LMX1A: variants seen among roughly 807,000 people sequenced by gnomAD.
The protein encoded by LMX1A is LIM homeobox transcription factor 1 alpha, also known as LIM homeobox transcription factor 1-alpha.
A neutral mutation model predicts 49.1 loss-of-function variants in LMX1A; 15 were observed. The observed-to-expected ratio is 0.31, with a 90% CI of 0.20 to 0.47. The LOEUF (loss-of-function observed/expected upper bound fraction) is 0.47. Among genes scored for constraint, LMX1A ranks in the 20% least tolerant of loss-of-function variants. The pLI is 1.00. For missense variants in LMX1A, 372 were observed against 475.8 expected (o/e 0.78, Z 2.03); for synonymous variants, 167 against 185.7 (o/e 0.90, Z 0.82).
chr1:165,277,008 T>C (rs1653990110), intron 3 of LMX1A, among the ~76,000 whole-genome samples: 1 of 152,192 alleles, frequency 6.6e-6, no homozygotes, highest in Non-Finnish European at 1.5e-5. Context: ...CACAATTGTG[T>C]CAATAATTAT....
In LMX1A at chr1:165,206,022, C is replaced by T. The variant is rs1571143209; in HGVS notation, c.830G>A (p.Gly277Asp). The T allele has an allele frequency of 2.6e-6, 4 of 1,564,772 alleles. No homozygotes were observed. The highest frequency in any genetic ancestry group is 3.5e-6 in the Non-Finnish European group (4 of 1,156,476). ...TCCTTCCATCCCAGCACTCCCACCACCGTTTGTCTGAGCTGTGGAACAAAG... is the reference window on the plus strand; with the variant it reads ...TCCTTCCATCCCAGCACTCCCACCATCGTTTGTCTGAGCTGTGGAACAAAG... ...TQRLSSAQTN[G>D]GGSAGMEGIM... is the part of the protein sequence containing the mutation. Residue 277 changes from glycine to aspartate, a missense_variant, in exon 8 of 9, where the codon GGT (glycine) becomes GAT (aspartate). Gly to Asp is a moderately conservative substitution (Grantham distance 94). This residue lies in a region of LMX1A where 127 missense variants were observed against 138.0 expected (regional missense o/e 0.92). Coordinates refer to ENST00000342310, the MANE Select transcript of LMX1A (RefSeq NM_177398.4).
At chr1:165,326,707 C>T (rs909334151) in intron 3 of LMX1A, among the ~76,000 whole-genome samples, 7 of 152,180 alleles carry the variant, frequency 4.6e-5, no homozygotes, top group African/African-American at 1.7e-4. Context: ...TTCCTAGGCC[C>T]TCTTCATCCT....
intron 3 of LMX1A, among the ~76,000 whole-genome samples, chr1:165,333,411 C>T (rs1234226078): frequency 1.3e-5 from 2 of 152,044 alleles, no homozygotes; most frequent in Non-Finnish European, 2.9e-5. Context: ...TGCCCACCTC[C>T]GCCTCCCAAA....
intron 4 of LMX1A, among the ~76,000 whole-genome samples, chr1:165,241,176 T>C (rs1298725820): frequency 6.6e-6 from 1 of 152,146 alleles, no homozygotes; most frequent in Non-Finnish European, 1.5e-5. Context: ...ATCTTTACTT[T>C]ATGCACCCTA....
intron 3 of LMX1A, among the ~76,000 whole-genome samples, chr1:165,305,109 C>G (rs539738101): frequency 1.8e-4 from 28 of 152,188 alleles, no homozygotes; most frequent in Non-Finnish European, 3.4e-4. Context: ...GTGTGTATGT[C>G]TGTGTGTCTC....
At chr1:165,356,132 T>C (rs1656606804) in intron 1 of LMX1A, 1 of 152,348 alleles carries the variant, frequency 6.6e-6, no homozygotes. Context: ...GCTTCTGGAC[T>C]CCTGGCGCTG....
At chr1:165,242,489 T>A in intron 4 of LMX1A, among the ~76,000 whole-genome samples, 2 of 148,194 alleles carry the variant, frequency 1.3e-5, no homozygotes. Flanking sequence ...AGCATTTGGA[T>A]CCCATGATAA....
At chr1:165,229,089 T>C (rs1807837) in intron 4 of LMX1A, among the ~76,000 whole-genome samples, 18,523 of 152,040 alleles carry the variant, frequency 0.12, 1,230 homozygotes, top group Non-Finnish European at 0.15. Context: ...TGCCTTTAAT[T>C]TATAAAATAT....
chr1:165,213,577 AG>A, intron 5 of LMX1A, 63 bp downstream of exon 5: 1 of 1,418,818 alleles, frequency 7.0e-7, no homozygotes, highest in Non-Finnish European at 9.7e-7. Context: ...GAGATCCCAG[AG>A]GGGTCTGAGT....
At chr1:165,281,727 ATTT>A (rs1236153900) in intron 3 of LMX1A, among the ~76,000 whole-genome samples, 102 of 138,258 alleles carry the variant, frequency 7.4e-4, no homozygotes, top group African/African-American at 2.4e-3. Context: ...CACAGGCAAT[ATTT>A]TGTGTGTGTG....
intron 3 of LMX1A, among the ~76,000 whole-genome samples, chr1:165,275,783 C>G (rs1328286402): frequency 6.6e-6 from 1 of 151,760 alleles, no homozygotes; most frequent in Non-Finnish European, 1.5e-5. Flanking sequence ...GGAACGACAA[C>G]TGGGAGGACT....
At position 165,337,888 on chromosome 1, in the gene LMX1A, C is replaced by CTGTGTG. The variant is rs6143463; in HGVS notation, c.263+15182_263+15187dup. Among the ~76,000 whole-genome samples the CTGTGTG allele has an allele frequency of 1.2e-3, 180 of 146,986 alleles. 1 individual carries two copies. The highest frequency in any genetic ancestry group is 6.0e-3 in the East Asian group (30 of 5,038). On this transcript the variant is annotated intron_variant, in intron 3 of 8. Transcript: ENST00000342310. ...TCTGTGCATCTGTGTGTGTGTGTTT[C>CTGTGTG]TGTGTGTGTGTGTGTGTGTTACTAC...
intron 3 of LMX1A, among the ~76,000 whole-genome samples, chr1:165,309,627 T>A (rs1023770956): frequency 1.4e-4 from 21 of 152,142 alleles, no homozygotes; most frequent in African/African-American, 5.1e-4. Context: ...TAATTTGTAC[T>A]CCCCACATGG....
At chr1:165,230,591 A>C (rs539743343) in intron 4 of LMX1A, among the ~76,000 whole-genome samples, 1 of 152,310 alleles carries the variant, frequency 6.6e-6, no homozygotes, top group Admixed American at 6.5e-5. Flanking sequence ...AAATCTCTAC[A>C]TGAATGTGGA....
At chr1:165,237,844 C>T (rs1268761619) in intron 4 of LMX1A, among the ~76,000 whole-genome samples, 2 of 152,152 alleles carry the variant, frequency 1.3e-5, no homozygotes, top group Non-Finnish European at 2.9e-5. Flanking sequence ...ATCTTCAGAT[C>T]CATCTTGAAA....
intron 3 of LMX1A, among the ~76,000 whole-genome samples, chr1:165,264,113 A>G (rs915712567): frequency 6.6e-6 from 1 of 152,180 alleles, no homozygotes; most frequent in Non-Finnish European, 1.5e-5. Context: ...TTTGTGACTT[A>G]CGCTGAAACA....
At chr1:165,341,823 C>T (rs1356650483) in intron 3 of LMX1A, among the ~76,000 whole-genome samples, 1 of 152,042 alleles carries the variant, frequency 6.6e-6, no homozygotes, top group Non-Finnish European at 1.5e-5. Flanking sequence ...TTTTTACATA[C>T]CTGACACATA....
intron 3 of LMX1A, among the ~76,000 whole-genome samples, chr1:165,320,834 T>C (rs1355464200): frequency 6.6e-6 from 1 of 152,198 alleles, no homozygotes; most frequent in Non-Finnish European, 1.5e-5. Context: ...TTCCATGTGA[T>C]AAGTCAGATA....
At chr1:165,265,430 G>A (rs906332419) in intron 3 of LMX1A, among the ~76,000 whole-genome samples, 4 of 152,192 alleles carry the variant, frequency 2.6e-5, no homozygotes, top group African/African-American at 9.7e-5. Context: ...AGGGCAGGGA[G>A]ACTTTTGCCT....
Sources: gnomAD v4.1 joint callset for allele counts (sites outside exome capture counted in the v4.1 genomes callset) on GRCh38, gnomAD v4.1.1 for gene constraint, gnomAD v4.1.1 regional missense constraint, MANE v1.5 for transcripts, NCBI Gene and HGNC (gene_info 2026-07-23, HGNC 2026-07-21) for gene names.